Variants in LYPLA1 observed in about 807,000 individuals in gnomAD.
LYPLA1 encodes acyl-protein thioesterase 1.
LYPLA1 carries 17 observed loss-of-function variants against 34.0 expected under a neutral mutation model. That is an observed-to-expected ratio of 0.50 (90% CI 0.34 to 0.75). The LOEUF (loss-of-function observed/expected upper bound fraction) is 0.75. Ranked by LOEUF, LYPLA1 falls within the 30% of genes least tolerant of loss-of-function variation. The pLI, the probability that LYPLA1 is intolerant of heterozygous loss-of-function variation, is 0.01. For synonymous variants in LYPLA1, 98 were observed against 100.8 expected (o/e 0.97, Z 0.17); for missense variants, 203 against 288.8 (o/e 0.70, Z 2.15).
intron 5 of LYPLA1, among the ~76,000 whole-genome samples, chr8:54,058,377 G>A (rs1423526074): frequency 6.6e-6 from 1 of 152,040 alleles, no homozygotes; most frequent in African/African-American, 2.4e-5. Flanking sequence ...AACACCGTCT[G>A]TACTAAAAAT....
intron 2 of LYPLA1, among the ~76,000 whole-genome samples, chr8:54,085,792 G>A (rs561389767): frequency 1.9e-4 from 24 of 128,398 alleles, no homozygotes; most frequent in Middle Eastern, 3.9e-3. Flanking sequence ...CCGGCCAGCC[G>A]CCCCGTCCGC....
chr8:54,084,124 G>GGAAAAAAAAA (rs1554547911), intron 2 of LYPLA1, among the ~76,000 whole-genome samples: 16 of 56,192 alleles, frequency 2.8e-4, no homozygotes, highest in African/African-American at 1.1e-3. Flanking sequence ...GGAGACCAAA[G>GGAAAAAAAAA]AAAAAAAAAA....
At chr8:54,101,720 G>C (rs1471669640) in intron 1 of LYPLA1, 35 bp downstream of exon 1, 24 of 1,282,962 alleles carry the variant, frequency 1.9e-5, no homozygotes, top group Non-Finnish European at 2.4e-5. Context: ...GGCCGGCCCA[G>C]TGGACCCCTC....
chr8:54,055,552 TCCCAAATCA>T (rs1247750538), intron 5 of LYPLA1, among the ~76,000 whole-genome samples: 1 of 152,008 alleles, frequency 6.6e-6, no homozygotes, highest in Non-Finnish European at 1.5e-5. Context: ...GGAATATTTT[TCCCAAATCA>T]CCCAAAGCAA....
rs1051010980 is a variant in LYPLA1 at position 54,046,918 on chromosome 8, C to G, written c.*1147G>C. On this transcript the variant is annotated 3_prime_UTR_variant, in exon 9 of 9. Coordinates refer to ENST00000316963, the MANE Select transcript of LYPLA1 (RefSeq NM_006330.4). The stretch of plus-strand genomic sequence containing the variant: ...AAAACTAATACAAAAAATAATTTGA[C>G]TAAAGTGAAAATTTCAAATAAGTCC... 1.8e-4 allele frequency: 28 copies of G among 151,954 alleles called. No individual in the cohort carries two copies. Among genetic ancestry groups the G allele is most frequent in the Admixed American group, 1.8e-3 (27 of 15,258 alleles). The allele number at this position is 151,954 out of a possible 1,614,324, so 9.4% of individuals were successfully genotyped here.
At chr8:54,086,555 CAAAAAAAAAAAA>C (rs1220626412) in intron 2 of LYPLA1, among the ~76,000 whole-genome samples, 3 of 64,556 alleles carry the variant, frequency 4.6e-5, no homozygotes, top group South Asian at 6.0e-4. Context: ...CAAAGGGTAC[CAAAAAAAAAAAA>C]AAAAAAAAAA....
chr8:54,069,945 CACTTCAT>C (rs1458175122), intron 2 of LYPLA1, among the ~76,000 whole-genome samples: 1 of 152,056 alleles, frequency 6.6e-6, no homozygotes, highest in East Asian at 1.9e-4. Flanking sequence ...TGTGAGATAC[CACTTCAT>C]ACCTACCGGA....
At chr8:54,063,485 T>C (rs1806813279) in intron 3 of LYPLA1, 110 bp from the exon 4 acceptor site, 2 of 718,234 alleles carry the variant, frequency 2.8e-6, no homozygotes, top group Non-Finnish European at 4.8e-6. Context: ...AACTATATGC[T>C]ACAGTTTTAA....
At chr8:54,101,213 C>G in intron 1 of LYPLA1, 2 of 609,442 alleles carry the variant, frequency 3.3e-6, no homozygotes, top group Non-Finnish European at 4.8e-6. Context: ...CTAAGAAAAA[C>G]AGTTTATCTC....
At chr8:54,066,368 C>T (rs1380293456) in intron 2 of LYPLA1, among the ~76,000 whole-genome samples, 1 of 152,170 alleles carries the variant, frequency 6.6e-6, no homozygotes, top group Non-Finnish European at 1.5e-5. Context: ...GCAGTGTGTG[C>T]CCCTTCAGAT....
In LYPLA1 at chr8:54,084,167, A is replaced by T. The variant is rs1033860603; in HGVS notation, c.101+16741T>A. ...ATATATATATATATATATATATAAA[A>T]TAAAGACCTCAAATTAACAACCTAA... On this transcript the variant is annotated intron_variant, in intron 2 of 8. Transcript: ENST00000316963. Among the ~76,000 whole-genome samples the T allele has an allele frequency of 1.7e-3, 239 of 139,202 alleles. 4 individuals carry two copies. The highest frequency in any genetic ancestry group is 6.7e-3 in the African/African-American group (227 of 33,668). The allele number at this position is 139,202 out of a possible 152,430, so 91.3% of individuals were successfully genotyped here.
At chr8:54,083,621 A>T (rs898540721) in intron 2 of LYPLA1, among the ~76,000 whole-genome samples, 3 of 152,234 alleles carry the variant, frequency 2.0e-5, no homozygotes, top group African/African-American at 4.8e-5. Flanking sequence ...ATGAAAATTA[A>T]CTATAGACAA....
chr8:54,074,060 G>A (rs939882704), intron 2 of LYPLA1, among the ~76,000 whole-genome samples: 1 of 152,160 alleles, frequency 6.6e-6, no homozygotes, highest in Non-Finnish European at 1.5e-5. Context: ...CGGATCACGA[G>A]GTCAGGAGAT....
chr8:54,059,692 G>C lies in LYPLA1; in HGVS notation c.286+2562C>G, dbSNP rs1030534748. On this transcript the variant is annotated intron_variant, in intron 5 of 8. Transcript: ENST00000316963. ...CATGCCTGTAATCCCAGTACTTTTG[G>C]GGAGGATCACCTGAGGGCAAGAGTT... 3.3e-5 allele frequency among the ~76,000 whole-genome samples: 5 copies of C among 152,166 alleles called. No homozygotes were observed. In the South Asian group the frequency reaches 8.3e-4, roughly 25 times the overall value.
At chr8:54,077,398 C>T (rs776960259) in intron 2 of LYPLA1, among the ~76,000 whole-genome samples, 1 of 152,194 alleles carries the variant, frequency 6.6e-6, no homozygotes, top group Non-Finnish European at 1.5e-5. Context: ...AGGTACTACG[C>T]TTATTACCTG....
At chr8:54,084,077 G>A (rs1456642834) in intron 2 of LYPLA1, among the ~76,000 whole-genome samples, 2 of 148,626 alleles carry the variant, frequency 1.3e-5, no homozygotes, top group African/African-American at 2.5e-5. Flanking sequence ...AGCAGAGGTT[G>A]CAGTGAGTTG....
intron 2 of LYPLA1, among the ~76,000 whole-genome samples, chr8:54,084,770 T>C (rs1808580557): frequency 1.3e-5 from 2 of 152,170 alleles, no homozygotes; most frequent in Non-Finnish European, 2.9e-5. Context: ...AACAATTACA[T>C]GGTAATAAAT....
At chr8:54,053,113 A>ATTT (rs1805964078) in intron 6 of LYPLA1, 3 of 155,490 alleles carry the variant, frequency 1.9e-5, no homozygotes, top group African/African-American at 1.0e-4. Flanking sequence ...TTTTTTTTTG[A>ATTT]GATGGAGTTT....
chr8:54,097,444 A>C (rs551507063), intron 2 of LYPLA1, among the ~76,000 whole-genome samples: 1 of 152,378 alleles, frequency 6.6e-6, no homozygotes, highest in East Asian at 1.9e-4. Context: ...AAAGAGACTA[A>C]AGAGACGTGA....
Sources: allele counts gnomAD v4.1 joint callset (sites outside exome capture counted in the v4.1 genomes callset), GRCh38; gene constraint gnomAD v4.1.1; transcripts MANE v1.5; gene names NCBI Gene and HGNC (gene_info 2026-07-23, HGNC 2026-07-21).